Variants in HRH2 observed in about 807,000 individuals in gnomAD.
HRH2 encodes histamine receptor H2, also known as histamine H2 receptor.
HRH2 carries 4 observed loss-of-function variants against 20.1 expected under a neutral mutation model. The observed-to-expected ratio is 0.20, with a 90% CI of 0.10 to 0.45. The LOEUF (loss-of-function observed/expected upper bound fraction) is 0.45, where lower values mean the gene tolerates loss of function less well. HRH2 is among the 20% of genes least tolerant of loss of function. The pLI is 0.99. For missense variants in HRH2, 250 were observed against 461.6 expected (o/e 0.54, Z 4.20); for synonymous variants, 197 against 200.7 (o/e 0.98, Z 0.16).
At chr5:175,697,506 ACCCACCC>A (rs1159512100) in intron 2 of HRH2, among the ~76,000 whole-genome samples, 2 of 149,520 alleles carry the variant, frequency 1.3e-5, no homozygotes, top group East Asian at 3.9e-4. Context: ...AATTGCCCAG[ACCCACCC>A]CCTGCAGCCT....
intron 1 of HRH2, among the ~76,000 whole-genome samples, chr5:175,674,370 C>A (rs780535617): frequency 1.3e-5 from 2 of 152,210 alleles, no homozygotes; most frequent in Non-Finnish European, 2.9e-5. Context: ...TTATTATCAT[C>A]TGTCAGGTGC....
intron 2 of HRH2, among the ~76,000 whole-genome samples, chr5:175,697,180 C>T (rs1289773940): frequency 6.6e-6 from 1 of 152,120 alleles, no homozygotes; most frequent in African/African-American, 2.4e-5. Flanking sequence ...AAGAGGATGC[C>T]CGGCCGGGCG....
At chr5:175,678,590 G>A (rs1218717221) in intron 1 of HRH2, among the ~76,000 whole-genome samples, 1 of 152,246 alleles carries the variant, frequency 6.6e-6, no homozygotes, top group African/African-American at 2.4e-5. Context: ...CACAGTGTCC[G>A]TTCTGTAGAG....
intron 2 of HRH2, among the ~76,000 whole-genome samples, chr5:175,685,048 AAG>A (rs1235778186): frequency 1.3e-5 from 2 of 152,142 alleles, no homozygotes; most frequent in African/African-American, 4.8e-5. Context: ...TGAGAGAGGA[AAG>A]AGAGGAAAGC....
rs1270116727 is a variant in HRH2, at chr5:175,662,401, G to A, written c.-526+4246G>A. ...TGCTACTAAACTTCCCACAATACAC[G>A]GGACAGCCCTCATAACAAAAAATTA... On this transcript the variant is annotated intron_variant, in intron 1 of 2. Transcript: ENST00000636584. Among the ~76,000 whole-genome samples the A allele has an allele frequency of 4.6e-5, 7 of 152,220 alleles. No homozygotes were observed. In the East Asian group the frequency reaches 9.7e-4, roughly 21 times the overall value.
At chr5:175,666,740 T>C (rs1192672296) in intron 1 of HRH2, among the ~76,000 whole-genome samples, 1 of 152,240 alleles carries the variant, frequency 6.6e-6, no homozygotes, top group East Asian at 1.9e-4. Context: ...TCCAGATTCC[T>C]TTTTTTGAAG....
chr5:175,707,377 C>T (rs1365671141), intron 2 of HRH2, among the ~76,000 whole-genome samples: 1 of 152,194 alleles, frequency 6.6e-6, no homozygotes, highest in African/African-American at 2.4e-5. Flanking sequence ...TTGCAGTGGG[C>T]TATGATCACG....
rs181119828 is a variant in HRH2, at chr5:175,673,929, T to G, written c.-525-8780T>G. On this transcript the variant is annotated intron_variant, in intron 1 of 2. Transcript: ENST00000636584. ...CATGTTGGCCAGGCTGGTCTCGAAC[T>G]CCTGACCTCAGGTGATCCACCCGCC... 7.9e-3 allele frequency among the ~76,000 whole-genome samples: 1,205 copies of G among 152,222 alleles called. 18 individuals carry two copies. The highest frequency in any genetic ancestry group is 0.028 in the African/African-American group (1,146 of 41,534).
intron 1 of HRH2, among the ~76,000 whole-genome samples, chr5:175,658,460 A>ACG (rs1762633244): frequency 6.6e-6 from 1 of 152,088 alleles, no homozygotes; most frequent in Admixed American, 6.5e-5. Flanking sequence ...AGTGCTCGGG[A>ACG]CGCGGGTCGG....
intron 1 of HRH2, among the ~76,000 whole-genome samples, chr5:175,667,922 CA>C (rs1246916407): frequency 6.6e-6 from 1 of 152,104 alleles, no homozygotes; most frequent in Non-Finnish European, 1.5e-5. Context: ...CATGAACAAA[CA>C]AAAAATATTA....
At chr5:175,663,239 G>A (rs1042434480) in intron 1 of HRH2, among the ~76,000 whole-genome samples, 2 of 152,186 alleles carry the variant, frequency 1.3e-5, no homozygotes, top group African/African-American at 4.8e-5. Context: ...GCCTGTTTGA[G>A]GAATTGCCAA....
Position 175,658,096 on chromosome 5 carries a change from C to G in HRH2, c.-585C>G, listed in dbSNP as rs1449408854. ...GCATCCCTGCCCGGAGCGCAGCCGG[C>G]GCGGGCGCGGGACCGAGGCGAACCG... On this transcript the variant is annotated 5_prime_UTR_variant, in exon 1 of 3. Coordinates refer to ENST00000636584, the MANE Select transcript of HRH2 (RefSeq NM_001367711.1). 4.0e-5 allele frequency: 6 copies of G among 151,822 alleles called. No individual in the cohort carries two copies. The highest frequency in any genetic ancestry group is 1.5e-4 in the African/African-American group (6 of 41,378). 9.4% of individuals were successfully genotyped at this position (151,822 alleles called of 1,614,324 possible). A position where few individuals can be genotyped will look rare whatever the true frequency, so the allele number is the denominator to read the frequency against.
At chr5:175,675,218 A>C (rs569425088) in intron 1 of HRH2, among the ~76,000 whole-genome samples, 1 of 152,332 alleles carries the variant, frequency 6.6e-6, no homozygotes, top group African/African-American at 2.4e-5. Context: ...GTCATGAAGT[A>C]AGCATTCTTT....
chr5:175,678,132 T>C (rs1755823022), intron 1 of HRH2, among the ~76,000 whole-genome samples: 1 of 152,148 alleles, frequency 6.6e-6, no homozygotes, highest in Non-Finnish European at 1.5e-5. Context: ...ACGGCTGCCA[T>C]AAATAAGCAG....
chr5:175,671,294 A>G (rs1222855202), intron 1 of HRH2, among the ~76,000 whole-genome samples: 4 of 152,236 alleles, frequency 2.6e-5, no homozygotes, highest in African/African-American at 9.6e-5. Flanking sequence ...ACGGGTATAA[A>G]TGTTCCTGGC....
At chr5:175,701,088 A>G (rs1481102709) in intron 2 of HRH2, among the ~76,000 whole-genome samples, 2 of 152,152 alleles carry the variant, frequency 1.3e-5, no homozygotes, top group Non-Finnish European at 2.9e-5. Flanking sequence ...ACTGGCATTC[A>G]TCATCCATTG....
chr5:175,700,373 TG>T, intron 2 of HRH2, among the ~76,000 whole-genome samples: 1 of 152,274 alleles, frequency 6.6e-6, no homozygotes, highest in African/African-American at 2.4e-5. Flanking sequence ...AAAACACACA[TG>T]AACACCTACT....
chr5:175,710,749 G>A lies in HRH2; in HGVS notation c.*2778G>A, dbSNP rs1456513867. ...ACCATCGTGTTCCAATAAAACTATC[G>A]AAACAGATGCTGCCTCACGGTTTTA... On this transcript the variant is annotated 3_prime_UTR_variant, in exon 3 of 3. Coordinates refer to ENST00000636584, the MANE Select transcript of HRH2 (RefSeq NM_001367711.1). 5 of 152,176 alleles carry A rather than the reference G, an allele frequency of 3.3e-5. No homozygotes were observed. The highest frequency in any genetic ancestry group is 6.5e-5 in the Admixed American group (1 of 15,278). 9.4% of individuals were successfully genotyped at this position (152,176 alleles called of 1,614,324 possible). A position where few individuals can be genotyped will look rare whatever the true frequency, so the allele number is the denominator to read the frequency against.
chr5:175,702,383 A>G (rs995252732), intron 2 of HRH2, among the ~76,000 whole-genome samples: 3 of 152,148 alleles, frequency 2.0e-5, no homozygotes, highest in African/African-American at 4.8e-5. Context: ...AAAAAATACA[A>G]AGATTGTCAG....
Sources: gnomAD v4.1 joint callset for allele counts (sites outside exome capture counted in the v4.1 genomes callset) on GRCh38, gnomAD v4.1.1 for gene constraint, MANE v1.5 for transcripts, NCBI Gene and HGNC (gene_info 2026-07-23, HGNC 2026-07-21) for gene names.